Variants in CEP44 observed in about 807,000 individuals in gnomAD.
CEP44 encodes centrosomal protein of 44 kDa.
A neutral mutation model predicts 46.7 loss-of-function variants in CEP44; 45 were observed. The ratio of observed to expected loss-of-function variants is 0.96; its 90% CI spans 0.76 to 1.24. CEP44 has a LOEUF of 1.24. CEP44 is among the 50% of genes most tolerant of loss of function. The pLI is 0.00. For synonymous variants in CEP44, 142 were observed against 146.0 expected, an observed-to-expected ratio of 0.97 and a Z score of 0.20; for missense variants, 475 against 459.7, an observed-to-expected ratio of 1.03 and a Z score of -0.30.
chr4:174,320,684 C>CTGTA (rs1553987085), downstream of CEP44, among the ~76,000 whole-genome samples: 4 of 147,412 alleles, frequency 2.7e-5, no homozygotes, highest in Non-Finnish European at 6.0e-5. Flanking sequence ...TGAGTGTGCT[C>CTGTA]TGTGTGTGTG....
chr4:174,333,018 T>C (rs758138500), exon 9 of CEP44: 1 of 152,080 alleles, frequency 6.6e-6, no homozygotes, highest in East Asian at 1.9e-4. Flanking sequence ...ACTGATTACA[T>C]TGGGCACATA....
At chr4:174,291,062 C>T (rs566612969) in intron 1 of CEP44, among the ~76,000 whole-genome samples, 3 of 152,086 alleles carry the variant, frequency 2.0e-5, no homozygotes, top group Non-Finnish European at 2.9e-5. Context: ...TTGTAGATAG[C>T]GTATAGTTGA....
In CEP44 at chr4:174,320,040, A is replaced by G; in HGVS notation, c.*2657A>G. The G allele has an allele frequency of 1.0e-6, 1 of 985,306 alleles. No homozygotes were observed. Among genetic ancestry groups the G allele is most frequent in the African/African-American group, 1.7e-5 (1 of 57,346 alleles). The allele number at this position is 985,306 out of a possible 1,614,324, so 61.0% of individuals were successfully genotyped here. On this transcript the variant is annotated 3_prime_UTR_variant, in exon 12 of 12. Coordinates refer to ENST00000503780, the MANE Select transcript of CEP44 (RefSeq NM_001040157.3). ...TTCATTCTCTCATAAACTGGTTGAA[A>G]AAACACTGTACTACCAACAAAGGTG...
At chr4:174,298,251 C>T (rs1739296468) in intron 2 of CEP44, among the ~76,000 whole-genome samples, 189 bp downstream of exon 2, 1 of 142,624 alleles carries the variant, frequency 7.0e-6, no homozygotes, top group Non-Finnish European at 1.5e-5. Flanking sequence ...TCTCGGCTCA[C>T]TGCAAGCTCC....
Position 174,316,460 on chromosome 4 carries a change from A to T in CEP44, c.1087-70A>T, listed in dbSNP as rs369820295. On this transcript the variant is annotated intron_variant, in intron 10 of 11. Coordinates refer to ENST00000503780, the MANE Select transcript of CEP44 (RefSeq NM_001040157.3). ...CAATGTTTCAAACTGTGTTTTGTAC[A>T]TTCTCGGTCCATCTTTGATGATGGT... 304 of 1,435,586 alleles carry T rather than the reference A, an allele frequency of 2.1e-4. No individual in the cohort carries two copies. In the South Asian group the frequency reaches 2.5e-3, roughly 12 times the overall value. 88.9% of individuals were successfully genotyped at this position (1,435,586 alleles called of 1,614,324 possible). A position where few individuals can be genotyped will look rare whatever the true frequency, so the allele number is the denominator to read the frequency against.
chr4:174,317,622 A>G lies in CEP44; in HGVS notation c.*239A>G, dbSNP rs1228619101. On this transcript the variant is annotated 3_prime_UTR_variant, in exon 12 of 12. Transcript: ENST00000503780. ...TTTTAGGAAAAACTCATGTTCCAGTATATTTCTCTTACAGAGTGAAGTCAT... is the reference window on the plus strand; with the variant it reads ...TTTTAGGAAAAACTCATGTTCCAGTGTATTTCTCTTACAGAGTGAAGTCAT... 9.4e-7 allele frequency: 1 copy of G among 1,067,994 alleles called. No individual in the cohort carries two copies. The highest frequency in any genetic ancestry group is 1.1e-6 in the Non-Finnish European group (1 of 881,270). The allele number at this position is 1,067,994 out of a possible 1,614,324, so 66.2% of individuals were successfully genotyped here. A position where few individuals can be genotyped will look rare whatever the true frequency, so the allele number is the denominator to read the frequency against.
chr4:174,299,848 A>G (rs895048641), intron 3 of CEP44, among the ~76,000 whole-genome samples: 3 of 152,170 alleles, frequency 2.0e-5, no homozygotes, highest in African/African-American at 7.2e-5. Context: ...ATTCATGCCT[A>G]TATAATATGG....
intron 6 of CEP44, among the ~76,000 whole-genome samples, chr4:174,307,711 A>G (rs796437130): frequency 3.3e-5 from 5 of 152,304 alleles, no homozygotes; most frequent in African/African-American, 7.2e-5. Flanking sequence ...GCAAACTTGT[A>G]TCTGACAAAG....
chr4:174,326,901 T>C lies in CEP44; in HGVS notation c.1087-4581T>C, dbSNP rs1742704341. Among the ~76,000 whole-genome samples, 1 of 151,954 alleles carries C rather than the reference T, an allele frequency of 6.6e-6. No homozygotes were observed. Among genetic ancestry groups the C allele is most frequent in the Non-Finnish European group, 1.5e-5 (1 of 67,938 alleles). ...TCTTTGTTTCTTTATGGAATCTGTC[T>C]TTTTTTACTTTGTCTGCTTTGCTAC... On this transcript the variant is annotated intron_variant, in intron 8 of 8. Coordinates refer to the CEP44 transcript ENST00000426172. The surrounding 1 kb of genome is among the most constrained non-coding windows in gnomAD (Gnocchi z 4.8).
intron 11 of CEP44, among the ~76,000 whole-genome samples, chr4:174,316,931 G>T (rs1741794077): frequency 6.6e-6 from 1 of 151,780 alleles, no homozygotes; most frequent in African/African-American, 2.4e-5. Context: ...GACATTTTCA[G>T]TGTTGTGAAA....
At chr4:174,303,467 A>G (rs1739995452) in intron 4 of CEP44, among the ~76,000 whole-genome samples, 1 of 152,158 alleles carries the variant, frequency 6.6e-6, no homozygotes, top group African/African-American at 2.4e-5. Context: ...ATCTCTCTGG[A>G]CAGACATCTG....
Position 174,331,680 on chromosome 4 carries a change from G to T in CEP44, c.*85G>T. 4.1e-6 allele frequency: 6 copies of T among 1,466,628 alleles called. No individual in the cohort carries two copies. Among genetic ancestry groups the T allele is most frequent in the Non-Finnish European group, 5.4e-6 (6 of 1,101,266 alleles). 90.9% of individuals were successfully genotyped at this position (1,466,628 alleles called of 1,614,324 possible). ...GCTCATCCACGAAGTCCAGAATTCT[G>T]CCTGGAAACCAGCTTCCTCCTCAGC... is the stretch of plus-strand genomic sequence containing the variant. On this transcript the variant is annotated 3_prime_UTR_variant, in exon 9 of 9. Transcript: ENST00000426172. The surrounding 1 kb of genome is among the most constrained non-coding windows in gnomAD (Gnocchi z 4.5).
In CEP44 at chr4:174,304,799, TG is replaced by T. The variant is rs376506685; in HGVS notation, c.507+432del. On this transcript the variant is annotated intron_variant, in intron 6 of 11. Coordinates refer to ENST00000503780, the MANE Select transcript of CEP44 (RefSeq NM_001040157.3). ...AACCAAGTATGAATTATCCAATAATTGGTAGTCCCTACACGTAGAATCTGGT... is the reference window on the plus strand; with the variant it reads ...AACCAAGTATGAATTATCCAATAATTGTAGTCCCTACACGTAGAATCTGGT... Among the ~76,000 whole-genome samples the T allele has an allele frequency of 7.3e-3, 1,111 of 152,228 alleles. 17 individuals are homozygous for T. Among genetic ancestry groups the T allele is most frequent in the African/African-American group, 0.025 (1,055 of 41,530 alleles).
chr4:174,295,433 G>A (rs1738868117), intron 1 of CEP44, among the ~76,000 whole-genome samples: 1 of 151,632 alleles, frequency 6.6e-6, no homozygotes, highest in African/African-American at 2.4e-5. Flanking sequence ...ATGGGATGGT[G>A]GCCAGGAAGA....
At chr4:174,289,012 G>A (rs2126495260) in intron 1 of CEP44, among the ~76,000 whole-genome samples, 1 of 152,286 alleles carries the variant, frequency 6.6e-6, no homozygotes, top group East Asian at 1.9e-4. Flanking sequence ...CATCTGTGCA[G>A]ATGCCCATGT....
downstream of CEP44, among the ~76,000 whole-genome samples, chr4:174,321,366 T>C (rs1440115590): frequency 2.6e-5 from 4 of 152,126 alleles, no homozygotes; most frequent in Admixed American, 6.6e-5. Context: ...GGTTAGCGTT[T>C]TAGGGTTTTG....
intron 11 of CEP44, 184 bp downstream of exon 11, chr4:174,316,751 A>T: frequency 2.1e-6 from 1 of 467,636 alleles, no homozygotes; most frequent in Non-Finnish European, 3.8e-6. Context: ...GAGATGAGTC[A>T]CTGTTTTAGT....
rs1742168682 is a variant in CEP44 at position 174,320,038 on chromosome 4, A to C, written c.*2655A>C. The C allele has an allele frequency of 1.0e-6, 1 of 985,240 alleles. No individual in the cohort carries two copies. Among genetic ancestry groups the C allele is most frequent in the East Asian group, 1.1e-4 (1 of 8,804 alleles). 61.0% of individuals were successfully genotyped at this position (985,240 alleles called of 1,614,324 possible). Reference sequence around the variant, plus strand: ...TTTTCATTCTCTCATAAACTGGTTGAAAAAACACTGTACTACCAACAAAGG... The same window carrying C: ...TTTTCATTCTCTCATAAACTGGTTGCAAAAACACTGTACTACCAACAAAGG... On this transcript the variant is annotated 3_prime_UTR_variant, in exon 12 of 12. Coordinates refer to ENST00000503780, the MANE Select transcript of CEP44 (RefSeq NM_001040157.3).
At chr4:174,298,948 C>T (rs560523931) in intron 2 of CEP44, 124 bp from the exon 3 acceptor site, 21 of 542,222 alleles carry the variant, frequency 3.9e-5, no homozygotes, top group East Asian at 2.9e-4. Flanking sequence ...AGAAGAAGCT[C>T]GGGGAAAAAG....
Sources: allele counts gnomAD v4.1 joint callset (sites outside exome capture counted in the v4.1 genomes callset), GRCh38; gene constraint gnomAD v4.1.1; non-coding constraint Gnocchi (gnomAD v3.1); transcripts MANE v1.5; gene names NCBI Gene and HGNC (gene_info 2026-07-23, HGNC 2026-07-21).